Variants in CEP83 observed in about 807,000 individuals in gnomAD.
CEP83 encodes the protein centrosomal protein 83, also known as centrosomal protein of 83 kDa.
CEP83 carries 70 observed loss-of-function variants against 101.9 expected under a neutral mutation model. That is an observed-to-expected ratio of 0.69 (90% CI 0.57 to 0.84). The LOEUF (loss-of-function observed/expected upper bound fraction) is 0.84. Among genes scored for constraint, CEP83 ranks in the 40% least tolerant of loss-of-function variants. CEP83 has a pLI of 0.00. For synonymous variants in CEP83, 264 were observed against 267.9 expected, an observed-to-expected ratio of 0.99 and a Z score of 0.14; for missense variants, 715 against 787.2, an observed-to-expected ratio of 0.91 and a Z score of 1.10.
At chr12:94,290,651 G>A in the CEP83 span, among the ~76,000 whole-genome samples, 3 of 152,264 alleles carry the variant, frequency 2.0e-5, no homozygotes, top group Non-Finnish European at 4.4e-5. Flanking sequence ...CCCTGTGGGT[G>A]TAACCTGAAG....
chr12:94,380,248 A>C (rs2061773452), intron 6 of CEP83, among the ~76,000 whole-genome samples: 1 of 152,290 alleles, frequency 6.6e-6, no homozygotes, highest in East Asian at 1.9e-4. Flanking sequence ...GTAAAATGGG[A>C]AACTGAATTA....
chr12:94,349,032 T>C (rs186750468), intron 11 of CEP83, among the ~76,000 whole-genome samples: 2 of 152,196 alleles, frequency 1.3e-5, no homozygotes, highest in Admixed American at 1.3e-4. Flanking sequence ...ACACTTGTAA[T>C]CCCAGCACTT....
chr12:94,434,858 A>G (rs971798523), intron 2 of CEP83, among the ~76,000 whole-genome samples: 1 of 152,196 alleles, frequency 6.6e-6, no homozygotes, highest in Non-Finnish European at 1.5e-5. Context: ...TTTGACTGCA[A>G]CCCATCACAT....
chr12:94,291,846 T>C, the CEP83 span, among the ~76,000 whole-genome samples: 10 of 152,288 alleles, frequency 6.6e-5, no homozygotes, highest in East Asian at 1.9e-4. Flanking sequence ...TGGGCTTCTA[T>C]TGATCCCATC....
intron 7 of CEP83, among the ~76,000 whole-genome samples, chr12:94,376,747 A>ATTTT (rs55973264): frequency 6.7e-5 from 8 of 120,168 alleles, no homozygotes; most frequent in Admixed American, 9.0e-5. Context: ...ATATATATAT[A>ATTTT]TTTTTTTTTT....
chr12:94,343,746 G>A (rs2059809795), intron 11 of CEP83, among the ~76,000 whole-genome samples: 1 of 151,496 alleles, frequency 6.6e-6, no homozygotes, highest in Non-Finnish European at 1.5e-5. Context: ...ACCCGCCTCG[G>A]CCTCCCAAAG....
At chr12:94,440,020 T>G (rs1311777081) in intron 1 of CEP83, among the ~76,000 whole-genome samples, 1 of 152,176 alleles carries the variant, frequency 6.6e-6, no homozygotes, top group East Asian at 1.9e-4. Context: ...AACATCGGCA[T>G]AGAAGGGACA....
rs752116946 is a variant in CEP83, at chr12:94,369,990, T to C, written c.980A>G (p.Lys327Arg). ...HSNKLEITDI[K>R]LETARAKSEL... is the part of the protein sequence containing the mutation. ...ACTCTTAGCTCTTGCTGTCTCCAGT[T>C]TGATGTCTGTTATTTCCAGTTTGTT... The change falls in exon 9 of 17, where the codon AAA becomes AGA. Residue 327 changes from lysine to arginine, a missense_variant. Transcript: ENST00000397809. The C allele has an allele frequency of 4.3e-6, 7 of 1,611,108 alleles. No homozygotes were observed. Among genetic ancestry groups the C allele is most frequent in the African/African-American group, 1.3e-5 (1 of 74,886 alleles).
At chr12:94,402,225 T>C (rs2063297572) in intron 5 of CEP83, 1 of 152,142 alleles carries the variant, frequency 6.6e-6, no homozygotes, top group Admixed American at 6.5e-5. Context: ...ATTCTCTCTT[T>C]CAACAAATAT....
chr12:94,387,242 T>G (rs543104428), intron 6 of CEP83, among the ~76,000 whole-genome samples: 50 of 152,234 alleles, frequency 3.3e-4, no homozygotes, highest in Admixed American at 7.2e-4. Flanking sequence ...CTGTCAGGAA[T>G]GGGGCCACAC....
At chr12:94,417,015 T>A (rs2064328787) in intron 2 of CEP83, among the ~76,000 whole-genome samples, 1 of 151,896 alleles carries the variant, frequency 6.6e-6, no homozygotes, top group Admixed American at 6.6e-5. Context: ...ACAGAGGCCA[T>A]CTTAGAAACC....
At chr12:94,417,389 G>A (rs1328476626) in intron 2 of CEP83, among the ~76,000 whole-genome samples, 1 of 152,008 alleles carries the variant, frequency 6.6e-6, no homozygotes, top group Non-Finnish European at 1.5e-5. Context: ...AAGGTAGTAT[G>A]CCCTCTTTCC....
chr12:94,365,870 C>G lies in CEP83; in HGVS notation c.1343+1924G>C, dbSNP rs531129706. 5.9e-5 allele frequency among the ~76,000 whole-genome samples: 9 copies of G among 151,868 alleles called. No homozygotes were observed. The South Asian group carries it at 8.3e-4, about 14-fold the overall frequency. On this transcript the variant is annotated intron_variant, in intron 11 of 16. Coordinates refer to ENST00000397809, the MANE Select transcript of CEP83 (RefSeq NM_016122.3). ...ATACACATAGTGGAGTGCTATGCAG[C>G]CATAAAAAAGAATGAGGCTAATCCC...
chr12:94,305,663 A>G (rs1267977749), downstream of CEP83: 1 of 160,240 alleles, frequency 6.2e-6, no homozygotes, highest in Non-Finnish European at 1.4e-5. Flanking sequence ...GCACCTCTGC[A>G]TTGTAAAGGG....
At chr12:94,456,679 G>A (rs549220280) in intron 1 of CEP83, among the ~76,000 whole-genome samples, 12 of 152,242 alleles carry the variant, frequency 7.9e-5, no homozygotes, top group South Asian at 2.1e-4. Context: ...TCACTGTCAC[G>A]AGGAACAGTA....
intron 2 of CEP83, among the ~76,000 whole-genome samples, chr12:94,416,146 C>T (rs1387209314): frequency 6.6e-6 from 1 of 151,980 alleles, no homozygotes; most frequent in Non-Finnish European, 1.5e-5. Flanking sequence ...ATATGTAGTA[C>T]TAAATGAAAA....
At chr12:94,437,752 C>T (rs944928729) in intron 1 of CEP83, among the ~76,000 whole-genome samples, 6 of 152,200 alleles carry the variant, frequency 3.9e-5, no homozygotes, top group Non-Finnish European at 7.3e-5. Flanking sequence ...TTGAAACAAT[C>T]TCAAAACATC....
At chr12:94,339,016 G>C (rs1239032087) in intron 11 of CEP83, among the ~76,000 whole-genome samples, 3 of 151,030 alleles carry the variant, frequency 2.0e-5, no homozygotes, top group Non-Finnish European at 4.4e-5. Flanking sequence ...CCAGGCTGGA[G>C]TGCAATGGTG....
At chr12:94,377,935 A>G (rs1294269825) in intron 7 of CEP83, among the ~76,000 whole-genome samples, 1 of 152,186 alleles carries the variant, frequency 6.6e-6, no homozygotes, top group Non-Finnish European at 1.5e-5. Context: ...TCATGTAACA[A>G]AATAAAAAGT....
Sources: allele counts gnomAD v4.1 joint callset (sites outside exome capture counted in the v4.1 genomes callset), GRCh38; gene constraint gnomAD v4.1.1; transcripts MANE v1.5; gene names NCBI Gene and HGNC (gene_info 2026-07-23, HGNC 2026-07-21).